Variants in C2 observed in about 807,000 individuals in gnomAD.
C2 encodes C3/C5 convertase.
A neutral mutation model predicts 85.2 loss-of-function variants in C2; 64 were observed. The ratio of observed to expected loss-of-function variants is 0.75; its 90% CI spans 0.61 to 0.92. The LOEUF is 0.92. Among genes scored for constraint, C2 ranks in the 40% least tolerant of loss-of-function variants. C2 has a pLI of 0.00. For synonymous variants in C2, 311 were observed against 370.8 expected, an observed-to-expected ratio of 0.84 and a Z score of 1.85; for missense variants, 820 against 971.6, an observed-to-expected ratio of 0.84 and a Z score of 2.07.
At chr6:31,936,157 G>A in intron 7 of C2, 96 bp downstream of exon 7, 3 of 1,368,054 alleles carry the variant, frequency 2.2e-6, no homozygotes, top group Admixed American at 3.9e-5. Context: ...AGAGAGTGAG[G>A]CCTCTTGGTG....
Position 31,933,788 on chromosome 6 carries a change from G to A in C2, c.616+5G>A. The A allele has an allele frequency of 1.2e-6, 2 of 1,613,818 alleles. No individual in the cohort carries two copies. The highest frequency in any genetic ancestry group is 1.7e-6 in the Non-Finnish European group (2 of 1,180,042). On this transcript the variant is annotated splice_donor_5th_base_variant and intron_variant, in intron 4 of 17. Coordinates refer to ENST00000299367, the MANE Select transcript of C2 (RefSeq NM_000063.6). ...GAACGGAGCCCATCTGCCGCCGTGAGTAGCTGCCCTGCCCTCCTGAGATTC... is the reference window on the plus strand; with the variant it reads ...GAACGGAGCCCATCTGCCGCCGTGAATAGCTGCCCTGCCCTCCTGAGATTC...
At chr6:31,918,003 G>A (rs1055993802), upstream of C2, among the ~76,000 whole-genome samples, 5 of 152,070 alleles carry the variant, frequency 3.3e-5, no homozygotes, top group Admixed American at 2.6e-4. Context: ...GAGCTTTTCC[G>A]TAAAAAAATT....
intron 3 of C2, among the ~76,000 whole-genome samples, chr6:31,931,591 G>C (rs1460484838): frequency 6.6e-6 from 1 of 151,998 alleles, no homozygotes; most frequent in Non-Finnish European, 1.5e-5. Context: ...TAAGGTCACC[G>C]ATCAACAGGA....
rs936550480 is a variant in C2, at chr6:31,930,247, A to G, written c.442+1330A>G. 2.0e-5 allele frequency among the ~76,000 whole-genome samples: 3 copies of G among 151,728 alleles called. No homozygotes were observed. The East Asian group carries it at 5.9e-4, about 30-fold the overall frequency. Reference sequence around the variant, plus strand: ...CAGGCATGCGCCACCATGCCTCGGTAATTTTCTATTCTTAGTAGGGACAGG... The same window carrying G: ...CAGGCATGCGCCACCATGCCTCGGTGATTTTCTATTCTTAGTAGGGACAGG... On this transcript the variant is annotated intron_variant, in intron 3 of 17. Transcript: ENST00000299367.
intron 3 of C2, among the ~76,000 whole-genome samples, chr6:31,931,194 TC>T (rs1040559920): frequency 3.3e-5 from 5 of 152,174 alleles, no homozygotes; most frequent in African/African-American, 1.2e-4. Context: ...ATTTATCCAT[TC>T]CCCTCCTGAT....
At chr6:31,903,105 C>A (rs1170156652) in intron 1 of C2, among the ~76,000 whole-genome samples, 2 of 152,150 alleles carry the variant, frequency 1.3e-5, no homozygotes, top group Non-Finnish European at 2.9e-5. Flanking sequence ...GCCTTCCCTT[C>A]CACTTCCTCG....
At chr6:31,900,285 C>G, upstream of C2, 1 of 1,613,104 alleles carries the variant, frequency 6.2e-7, no homozygotes, top group Non-Finnish European at 8.5e-7. The surrounding 1 kb of genome is among the most constrained non-coding windows in gnomAD (Gnocchi z 9.7). Flanking sequence ...CCCTGGAACA[C>G]TTCCGGGCAC....
At position 31,943,094 on chromosome 6, in the gene C2, T is replaced by C; in HGVS notation, c.1355T>C (p.Met452Thr). The change falls in exon 10 of 18, where the codon ATG becomes ACG. Residue 452 changes from methionine (M) to threonine (T), a missense_variant. By Grantham distance (81) the Met-to-Thr change is moderately conservative (BLOSUM62 -1). Transcript: ENST00000299367. This position sits in a 1 kb window ranked among gnomAD's most constrained non-coding sequence, Gnocchi z 6.4. ...TKALHQVFEHMLDVSKLTDTI... is the reference protein window; with the variant it reads ...TKALHQVFEHTLDVSKLTDTI... ...GCTCTGCACCAGGTCTTTGAACATA[T>C]GCTGGGTGAGTGAGCTTTGCCCTCC... The C allele has an allele frequency of 1.2e-6, 2 of 1,613,018 alleles. No homozygotes were observed. Among genetic ancestry groups the C allele is most frequent in the Non-Finnish European group, 1.7e-6 (2 of 1,180,014 alleles).
At chr6:31,911,944 T>C (rs1300186197) in intron 1 of C2, among the ~76,000 whole-genome samples, 1 of 149,954 alleles carries the variant, frequency 6.7e-6, no homozygotes, top group Non-Finnish European at 1.5e-5. Flanking sequence ...TTTTTTTTTT[T>C]TTTTTCCAAT....
chr6:31,915,922 C>T (rs941345359), upstream of C2, among the ~76,000 whole-genome samples: 2 of 152,210 alleles, frequency 1.3e-5, no homozygotes, highest in Admixed American at 1.3e-4. Flanking sequence ...CTGACTGGCT[C>T]ACATATCTCT....
rs5875338 is a variant in C2, at chr6:31,904,817, A to AT, written c.73+3678_73+3679insT. On this transcript the variant is annotated intron_variant, in intron 1 of 3. Transcript: ENST00000452202. The surrounding 1 kb of genome is among the most constrained non-coding windows in gnomAD (Gnocchi z 4.4). Reference sequence around the variant, plus strand: ...GAATGTAGATGGGACAGGGGGCCTAACTCAGCCCATGGCTCAAGACAGGTA... The same window carrying AT: ...GAATGTAGATGGGACAGGGGGCCTAATCTCAGCCCATGGCTCAAGACAGGTA... 0.84 allele frequency among the ~76,000 whole-genome samples: 128,207 copies of AT among 151,978 alleles called. 54,619 individuals are homozygous for AT. The highest frequency in any genetic ancestry group is 0.95 in the African/African-American group (39,247 of 41,416).
upstream of C2, chr6:31,897,909 C>T (rs1167422402): frequency 9.4e-7 from 1 of 1,060,750 alleles, no homozygotes; most frequent in African/African-American, 1.7e-5. Flanking sequence ...CGCCTGGGCC[C>T]AGGTGTGGCG....
Position 31,943,778 on chromosome 6 carries a change from G to T in C2, c.1702G>T (p.Ala568Ser), listed in dbSNP as rs1477704435. Residue 568 changes from alanine (A) to serine (S), a missense_variant, in exon 13 of 18, where the codon GCC becomes TCC. Physicochemically the swap from Ala to Ser is moderately conservative, Grantham distance 99. Transcript: ENST00000299367. The surrounding 1 kb of genome is among the most constrained non-coding windows in gnomAD (Gnocchi z 6.4). ...TGATGACATAGCTCTGCTGAAGCTG[G>T]CCCAGAAAGTAAAGATGTCCACCCA... ...YGDDIALLKL[A>S]QKVKMSTHAR... The T allele has an allele frequency of 6.2e-7, 1 of 1,613,094 alleles. No homozygotes were observed. Among genetic ancestry groups the T allele is most frequent in the Non-Finnish European group, 8.5e-7 (1 of 1,180,030 alleles).
rs9267684 is a variant in C2 at position 31,931,970 on chromosome 6, G to A, written c.443-1640G>A. ...ATCCCCCCACCTCCCTCCCGGACGG[G>A]GCGGCTGGCCGGGCGGGGGGCTGAC... On this transcript the variant is annotated intron_variant, in intron 3 of 17. Transcript: ENST00000299367. 3.5e-3 allele frequency among the ~76,000 whole-genome samples: 347 copies of A among 99,478 alleles called. 1 individual carries two copies. Among genetic ancestry groups the A allele is most frequent in the African/African-American group, 0.011 (315 of 29,130 alleles). 65.3% of individuals were successfully genotyped at this position (99,478 alleles called of 152,430 possible).
At chr6:31,932,109 G>A (rs1769861673) in intron 3 of C2, among the ~76,000 whole-genome samples, 2 of 132,780 alleles carry the variant, frequency 1.5e-5, no homozygotes, top group African/African-American at 6.0e-5. Flanking sequence ...CGGCTGGCCG[G>A]GCGAGGGGCT....
At chr6:31,914,594 A>AG (rs1387548423) in intron 1 of C2, among the ~76,000 whole-genome samples, 2 of 145,190 alleles carry the variant, frequency 1.4e-5, no homozygotes, top group African/African-American at 5.1e-5. Flanking sequence ...CCGTCTCAAA[A>AG]AAAAAAAAGA....
chr6:31,917,134 G>A (rs1768590264), upstream of C2, among the ~76,000 whole-genome samples: 1 of 146,668 alleles, frequency 6.8e-6, no homozygotes, highest in South Asian at 2.1e-4. Context: ...CGGCACCACT[G>A]CACTCCAGCC....
At chr6:31,925,037 C>T (rs1231862441), upstream of C2, among the ~76,000 whole-genome samples, 1 of 152,188 alleles carries the variant, frequency 6.6e-6, no homozygotes, top group Non-Finnish European at 1.5e-5. Flanking sequence ...CTGAGACTGC[C>T]ATGCTATGAG....
chr6:31,928,126 C>G lies in C2; in HGVS notation c.218C>G (p.Pro73Arg). 6.2e-7 allele frequency: 1 copy of G among 1,613,192 alleles called. No homozygotes were observed. Among genetic ancestry groups the G allele is most frequent in the Non-Finnish European group, 8.5e-7 (1 of 1,179,962 alleles). ...AAGAGCAGCGGACAGTGGCAGACCCCAGGAGCCACCCGGTCTCTGTCTAAG... is the reference window on the plus strand; with the variant it reads ...AAGAGCAGCGGACAGTGGCAGACCCGAGGAGCCACCCGGTCTCTGTCTAAG... ...LCKSSGQWQTPGATRSLSKAV... is the reference protein window; with the variant it reads ...LCKSSGQWQTRGATRSLSKAV... The change falls in exon 2 of 18, where the codon CCA (proline) becomes CGA (arginine). Residue 73 changes from proline to arginine, a missense_variant. By Grantham distance (103) the Pro-to-Arg change is moderately radical. Transcript: ENST00000299367.
Sources: allele counts gnomAD v4.1 joint callset (sites outside exome capture counted in the v4.1 genomes callset), GRCh38; gene constraint gnomAD v4.1.1; non-coding constraint Gnocchi (gnomAD v3.1); transcripts MANE v1.5; gene names NCBI Gene and HGNC (gene_info 2026-07-23, HGNC 2026-07-21).